The following SLC24A2 variants were observed in gnomAD, a reference collection of about 807,000 sequenced individuals.
The protein encoded by SLC24A2 is solute carrier family 24 member 2, also known as sodium/potassium/calcium exchanger 2.
Under a neutral mutation model 62.0 loss-of-function variants are expected in SLC24A2, and 36 were observed. The ratio of observed to expected loss-of-function variants is 0.58; its 90% CI spans 0.44 to 0.77. The LOEUF is 0.77. Ranked by LOEUF, SLC24A2 falls within the 30% of genes least tolerant of loss-of-function variation. The pLI is 0.00. For missense variants in SLC24A2, 846 were observed against 817.9 expected, an observed-to-expected ratio of 1.03 and a Z score of -0.42; for synonymous variants, 358 against 294.0, an observed-to-expected ratio of 1.22 and a Z score of -2.23.
At chr9:19,535,480 T>G (rs1833919068) in intron 8 of SLC24A2, among the ~76,000 whole-genome samples, 2 of 152,262 alleles carry the variant, frequency 1.3e-5, no homozygotes, top group South Asian at 2.1e-4. Flanking sequence ...ATTTTTACGG[T>G]TTTAGGTCTT....
the SLC24A2 span, among the ~76,000 whole-genome samples, chr9:20,101,776 A>G: frequency 1.3e-5 from 2 of 152,146 alleles, no homozygotes. Flanking sequence ...AAAGAAAGAT[A>G]CCAAGAACTG....
chr9:20,138,026 G>A, the SLC24A2 span, among the ~76,000 whole-genome samples: 1 of 152,182 alleles, frequency 6.6e-6, no homozygotes, highest in African/African-American at 2.4e-5. Context: ...CCACAGCCCT[G>A]AGAGTTAAGG....
At chr9:19,708,428 A>T (rs927231019) in intron 2 of SLC24A2, among the ~76,000 whole-genome samples, 1 of 152,190 alleles carries the variant, frequency 6.6e-6, no homozygotes, top group African/African-American at 2.4e-5. Flanking sequence ...ATGGAACCAA[A>T]AAAGAGCCTG....
intron 7 of SLC24A2, among the ~76,000 whole-genome samples, chr9:19,551,534 T>A (rs1019177841): frequency 6.6e-6 from 1 of 152,202 alleles, no homozygotes; most frequent in Non-Finnish European, 1.5e-5. Flanking sequence ...AGTGCAGCAG[T>A]GGACCACGCA....
the SLC24A2 span, among the ~76,000 whole-genome samples, chr9:19,924,370 TGG>T: frequency 6.6e-6 from 1 of 152,202 alleles, no homozygotes; most frequent in Non-Finnish European, 1.5e-5. Flanking sequence ...TGGCTGCTTT[TGG>T]GGGAGTCCAC....
chr9:20,103,252 C>G, the SLC24A2 span, among the ~76,000 whole-genome samples: 1 of 152,236 alleles, frequency 6.6e-6, no homozygotes, highest in African/African-American at 2.4e-5. Flanking sequence ...CCTCTGTAAG[C>G]TCCACCTCTG....
intron 7 of SLC24A2, among the ~76,000 whole-genome samples, chr9:19,553,248 T>A (rs553404306): frequency 5.9e-5 from 9 of 152,336 alleles, no homozygotes; most frequent in African/African-American, 2.2e-4. Flanking sequence ...ATTTTGTCTT[T>A]GTTCAAACTG....
chr9:19,715,464 G>GAAAA (rs1211735338), intron 2 of SLC24A2, among the ~76,000 whole-genome samples: 1 of 152,310 alleles, frequency 6.6e-6, no homozygotes, highest in Non-Finnish European at 1.5e-5. Context: ...AACCCCTTGG[G>GAAAA]AAGTATTCCA....
chr9:20,209,034 C>G, the SLC24A2 span, among the ~76,000 whole-genome samples: 1 of 152,132 alleles, frequency 6.6e-6, no homozygotes, highest in African/African-American at 2.4e-5. Flanking sequence ...ACTCATATGC[C>G]CTCTCTGTAA....
chr9:20,233,581 G>A, the SLC24A2 span, among the ~76,000 whole-genome samples: 1 of 152,064 alleles, frequency 6.6e-6, no homozygotes, highest in South Asian at 2.1e-4. Context: ...TTTGCTTGGT[G>A]GATCTTCCTC....
the SLC24A2 span, among the ~76,000 whole-genome samples, chr9:20,096,073 A>T: frequency 7.3e-6 from 1 of 136,642 alleles, no homozygotes; most frequent in South Asian, 2.3e-4. Flanking sequence ...ATCTGTATCC[A>T]TCCATCCATC....
chr9:20,102,358 T>C, the SLC24A2 span, among the ~76,000 whole-genome samples: 2 of 152,052 alleles, frequency 1.3e-5, no homozygotes, highest in African/African-American at 4.8e-5. Flanking sequence ...TGGATGAAGC[T>C]GGAAACCATC....
the SLC24A2 span, among the ~76,000 whole-genome samples, chr9:19,921,078 T>TGGGG: frequency 7.4e-6 from 1 of 135,684 alleles, no homozygotes; most frequent in African/African-American, 2.8e-5. Context: ...ATAATTATTA[T>TGGGG]GGGGGGGGGG....
intron 2 of SLC24A2, among the ~76,000 whole-genome samples, chr9:19,774,105 A>G (rs978473040): frequency 6.6e-6 from 1 of 152,298 alleles, no homozygotes. Flanking sequence ...AACACTCTGC[A>G]GGGAAAGATA....
At chr9:19,640,563 G>A (rs932090166) in intron 2 of SLC24A2, among the ~76,000 whole-genome samples, 2 of 150,096 alleles carry the variant, frequency 1.3e-5, no homozygotes, top group Non-Finnish European at 2.9e-5. Context: ...CAAAATTTAA[G>A]GCAGTACCAA....
At chr9:20,130,272 G>T in the SLC24A2 span, among the ~76,000 whole-genome samples, 2 of 151,044 alleles carry the variant, frequency 1.3e-5, no homozygotes, top group African/African-American at 4.9e-5. Flanking sequence ...TTAGCTCATT[G>T]AAAAGAGACA....
At position 19,516,282 on chromosome 9, in the gene SLC24A2, G is replaced by T; in HGVS notation, c.1857C>A (p.Leu619=). 6.2e-7 allele frequency: 1 copy of T among 1,614,124 alleles called. No homozygotes were observed. The highest frequency in any genetic ancestry group is 1.3e-5 in the African/African-American group (1 of 74,998). The stretch of plus-strand genomic sequence containing the variant: ...TTCGCCACTTGCAGAGGGCGATAGA[G>T]AGGATGACGAAGAGCAGCATGATGA... ...LLFIMLLFVI[L]SIALCKWRMN... is the part of the protein sequence containing the mutation. Residue 619 remains leucine, a synonymous_variant, in exon 11 of 11, where the codon CTC becomes CTA. Coordinates refer to ENST00000341998, the MANE Select transcript of SLC24A2 (RefSeq NM_020344.4).
chr9:20,111,438 T>C, the SLC24A2 span, among the ~76,000 whole-genome samples: 1 of 152,200 alleles, frequency 6.6e-6, no homozygotes, highest in Non-Finnish European at 1.5e-5. Context: ...CCGTCTCTTA[T>C]TGCTTTTCTA....
the SLC24A2 span, among the ~76,000 whole-genome samples, chr9:20,011,553 A>G: frequency 2.0e-5 from 3 of 152,212 alleles, no homozygotes; most frequent in African/African-American, 7.2e-5. Context: ...AATAAGGCCT[A>G]CAGGAATTGT....
Sources: allele counts gnomAD v4.1 joint callset (sites outside exome capture counted in the v4.1 genomes callset), GRCh38; gene constraint gnomAD v4.1.1; transcripts MANE v1.5; gene names NCBI Gene and HGNC (gene_info 2026-07-23, HGNC 2026-07-21).